The following SH3BGR variants were observed in gnomAD, a reference collection of about 807,000 sequenced individuals.
SH3BGR encodes the protein SH3 domain-binding glutamic acid-rich protein.
A neutral mutation model predicts 24.5 loss-of-function variants in SH3BGR; 29 were observed. The observed-to-expected ratio is 1.18, with a 90% CI of 0.88 to 1.61. SH3BGR has a LOEUF of 1.61. SH3BGR is among the 40% of genes most tolerant of loss of function. SH3BGR has a pLI of 0.00. For synonymous variants in SH3BGR, 55 were observed against 65.7 expected, an observed-to-expected ratio of 0.84 and a Z score of 0.79; for missense variants, 162 against 205.8, an observed-to-expected ratio of 0.79 and a Z score of 1.30.
chr21:39,484,105 G>A (rs2078172178), intron 3 of SH3BGR, among the ~76,000 whole-genome samples: 1 of 152,242 alleles, frequency 6.6e-6, no homozygotes, highest in African/African-American at 2.4e-5. Context: ...ATATTGTAAA[G>A]GGCCTTCTGT....
At chr21:39,475,037 C>T in intron 2 of SH3BGR, 98 bp from the exon 3 acceptor site, 2 of 716,372 alleles carry the variant, frequency 2.8e-6, no homozygotes, top group East Asian at 2.7e-5. Flanking sequence ...GTGTGAGCTC[C>T]TAACTTAAGG....
upstream of SH3BGR, among the ~76,000 whole-genome samples, chr21:39,450,958 G>A (rs931201037): frequency 6.6e-6 from 1 of 151,754 alleles, no homozygotes; most frequent in Non-Finnish European, 1.5e-5. Context: ...AGATACAGGC[G>A]CCTGCCAACA....
chr21:39,490,916 A>G (rs2078288627), intron 3 of SH3BGR, among the ~76,000 whole-genome samples: 2 of 151,920 alleles, frequency 1.3e-5, no homozygotes, highest in South Asian at 4.2e-4. Context: ...AATTTTTTAT[A>G]GAGAGAGGGT....
At chr21:39,449,075 C>T (rs2077544347), upstream of SH3BGR, among the ~76,000 whole-genome samples, 1 of 152,140 alleles carries the variant, frequency 6.6e-6, no homozygotes, top group Non-Finnish European at 1.5e-5. Flanking sequence ...AGCCAAATTC[C>T]ATCCCATTTT....
chr21:39,505,314 G>A (rs1602170400), intron 4 of SH3BGR, among the ~76,000 whole-genome samples: 1 of 152,216 alleles, frequency 6.6e-6, no homozygotes, highest in South Asian at 2.1e-4. Flanking sequence ...TTCTGGGGAA[G>A]CTTGTGGTGG....
chr21:39,465,178 G>C (rs549857734), intron 2 of SH3BGR, among the ~76,000 whole-genome samples: 1 of 152,234 alleles, frequency 6.6e-6, no homozygotes, highest in East Asian at 1.9e-4. Context: ...GGGATTACAG[G>C]CATGAGCCAC....
chr21:39,479,894 G>C (rs1047969105), intron 3 of SH3BGR, among the ~76,000 whole-genome samples: 1 of 151,616 alleles, frequency 6.6e-6, no homozygotes, highest in African/African-American at 2.4e-5. Context: ...AAGACTTCTT[G>C]TCCATTTACC....
chr21:39,499,785 GT>G, intron 3 of SH3BGR, 37 bp from the exon 4 acceptor site: 1 of 1,417,368 alleles, frequency 7.1e-7, no homozygotes, highest in Non-Finnish European at 9.8e-7. Context: ...TCTTTTTTCT[GT>G]TTTTGAGCTC....
chr21:39,467,187 T>G (rs2077857497), intron 2 of SH3BGR, among the ~76,000 whole-genome samples: 1 of 152,214 alleles, frequency 6.6e-6, no homozygotes, highest in Admixed American at 6.5e-5. Context: ...ATAAAATTAC[T>G]ACAGTTATTT....
intron 4 of SH3BGR, among the ~76,000 whole-genome samples, chr21:39,500,691 C>G (rs1169594784): frequency 6.6e-6 from 1 of 151,970 alleles, no homozygotes; most frequent in Non-Finnish European, 1.5e-5. Flanking sequence ...TCAGTTGTAG[C>G]AAAGACTATT....
intron 3 of SH3BGR, 55 bp downstream of exon 3, chr21:39,475,270 A>G (rs940625): frequency 0.13 from 138,594 of 1,061,050 alleles, 9,771 homozygotes; most frequent in Middle Eastern, 0.18. Context: ...AAATGAAGGT[A>G]GAAATCACCG....
chr21:39,476,707 T>A (rs1476844769), intron 3 of SH3BGR, among the ~76,000 whole-genome samples: 1 of 152,100 alleles, frequency 6.6e-6, no homozygotes, highest in East Asian at 1.9e-4. Context: ...TCAGTAGACA[T>A]CTCCCGTATT....
chr21:39,460,132 A>G (rs972683117), intron 1 of SH3BGR, among the ~76,000 whole-genome samples: 2 of 152,198 alleles, frequency 1.3e-5, no homozygotes, highest in African/African-American at 4.8e-5. Context: ...ACATTCAACC[A>G]TGTTCCCTTA....
Position 39,515,195 on chromosome 21 carries a change from G to A in SH3BGR, c.*142G>A, listed in dbSNP as rs991627827. The A allele has an allele frequency of 2.2e-6, 1 of 462,966 alleles. No homozygotes were observed. Among genetic ancestry groups the A allele is most frequent in the African/African-American group, 2.0e-5 (1 of 49,840 alleles). 28.7% of individuals were successfully genotyped at this position (462,966 alleles called of 1,614,324 possible). A position where few individuals can be genotyped will look rare whatever the true frequency, so the allele number is the denominator to read the frequency against. ...CCCAGGGTTACTGAGGACTTATGCT[G>A]CCTGACCTGGTTAGATGTACATGGA... On this transcript the variant is annotated 3_prime_UTR_variant, in exon 7 of 7. Coordinates refer to ENST00000333634, the MANE Select transcript of SH3BGR (RefSeq NM_007341.3).
At chr21:39,482,741 C>T (rs2078150103) in intron 3 of SH3BGR, among the ~76,000 whole-genome samples, 1 of 152,166 alleles carries the variant, frequency 6.6e-6, no homozygotes, top group Non-Finnish European at 1.5e-5. Flanking sequence ...GCAGTCTCAG[C>T]TCACTGCGAC....
At chr21:39,461,198 G>A (rs376590814) in intron 1 of SH3BGR, among the ~76,000 whole-genome samples, 1 of 148,756 alleles carries the variant, frequency 6.7e-6, no homozygotes, top group East Asian at 2.0e-4. Flanking sequence ...GTGCAGTGGC[G>A]CAATCTTGGC....
intron 3 of SH3BGR, among the ~76,000 whole-genome samples, chr21:39,493,820 G>A (rs1434276913): frequency 1.3e-5 from 2 of 152,042 alleles, no homozygotes; most frequent in Non-Finnish European, 2.9e-5. Context: ...CCTTGTAGAG[G>A]TCTTTCACCT....
At chr21:39,457,344 A>G (rs1441643429) in intron 1 of SH3BGR, among the ~76,000 whole-genome samples, 2 of 142,814 alleles carry the variant, frequency 1.4e-5, no homozygotes, top group Admixed American at 7.1e-5. Context: ...TATATATTAT[A>G]TAGTTACATC....
intron 4 of SH3BGR, among the ~76,000 whole-genome samples, chr21:39,507,916 C>T (rs1306750994): frequency 6.6e-6 from 1 of 152,202 alleles, no homozygotes; most frequent in Non-Finnish European, 1.5e-5. Flanking sequence ...CTGTTGTACT[C>T]TGCCACCTTC....
Sources: allele counts gnomAD v4.1 joint callset (sites outside exome capture counted in the v4.1 genomes callset), GRCh38; gene constraint gnomAD v4.1.1; transcripts MANE v1.5; gene names NCBI Gene and HGNC (gene_info 2026-07-23, HGNC 2026-07-21).